TNS2: variants seen among roughly 807,000 people sequenced by gnomAD.
The protein encoded by TNS2 is tensin 2.
Under a neutral mutation model 155.7 loss-of-function variants are expected in TNS2, and 77 were observed. That is an observed-to-expected ratio of 0.49 (90% CI 0.41 to 0.60). TNS2 has a LOEUF of 0.60. Ranked by LOEUF, TNS2 falls within the 20% of genes least tolerant of loss-of-function variation. The probability of loss-of-function intolerance (pLI) is 0.00; values close to 1 mark genes in which losing one functional copy is unlikely to be tolerated. For missense variants in TNS2, 1,703 were observed against 1,868.8 expected (o/e 0.91, Z 1.64); for synonymous variants, 726 against 763.9 (o/e 0.95, Z 0.82).
In TNS2 at chr12:53,054,250, C is replaced by T. The variant is rs745660567; in HGVS notation, c.351-20C>T. On this transcript the variant is annotated intron_variant, in intron 6 of 28. Transcript: ENST00000314250. ...CGGGTGCCCCGCCCCTGCGTTCATGCGTAGGCTCCTCCTCCCCAGGAGCTT... is the reference window on the plus strand; with the variant it reads ...CGGGTGCCCCGCCCCTGCGTTCATGTGTAGGCTCCTCCTCCCCAGGAGCTT... 18 of 1,611,238 alleles carry T rather than the reference C, an allele frequency of 1.1e-5. No homozygotes were observed. In the South Asian group the frequency reaches 2.0e-4, roughly 18 times the overall value.
At chr12:53,053,340 G>C in intron 3 of TNS2, 71 bp from the exon 4 acceptor site, 1 of 1,585,308 alleles carries the variant, frequency 6.3e-7, no homozygotes, top group East Asian at 2.2e-5. Flanking sequence ...TGAAGCTGAG[G>C]GGCTGCCCCA....
chr12:53,060,446 C>T lies in TNS2; in HGVS notation c.2659C>T (p.His887Tyr). ...PVSWREGPSG[H>Y]STLPRSPRDA... ...GTCCTGGAGGGAGGGCCCCAGTGGGCACAGCACACTGCCTCGGTCTCCCCG... is the reference window on the plus strand; with the variant it reads ...GTCCTGGAGGGAGGGCCCCAGTGGGTACAGCACACTGCCTCGGTCTCCCCG... The change falls in exon 19 of 29, where the codon CAC becomes TAC. Residue 887 changes from histidine to tyrosine, a missense_variant. His to Tyr is a moderately conservative substitution (Grantham distance 83). Transcript: ENST00000314250. The surrounding 1 kb of genome is among the most constrained non-coding windows in gnomAD (Gnocchi z 6.1). 1 of 1,613,618 alleles carries T rather than the reference C, an allele frequency of 6.2e-7. No homozygotes were observed. Among genetic ancestry groups the T allele is most frequent in the African/African-American group, 1.3e-5 (1 of 75,042 alleles).
In TNS2 at chr12:53,050,783, C is replaced by T. The variant is rs1328850826; in HGVS notation, c.75+523C>T. ...TGGGTCCCACAAAGTTGATCCAGCC[C>T]AGAAGAGTTGCAGGGACAGTCAAGA... is the stretch of plus-strand genomic sequence containing the variant. On this transcript the variant is annotated intron_variant, in intron 1 of 28. Transcript: ENST00000314250. This position sits in a 1 kb window ranked among gnomAD's most constrained non-coding sequence, Gnocchi z 4.7. Among the ~76,000 whole-genome samples, 7 of 152,204 alleles carry T rather than the reference C, an allele frequency of 4.6e-5. No individual in the cohort carries two copies. Among genetic ancestry groups the T allele is most frequent in the Non-Finnish European group, 1.0e-4 (7 of 68,044 alleles).
At chr12:53,049,899 G>A, upstream of TNS2, 1 of 600,324 alleles carries the variant, frequency 1.7e-6, no homozygotes, top group Non-Finnish European at 2.7e-6. Context: ...GGGAGTAGGG[G>A]GAGCAAAAGA....
At chr12:53,062,042 G>T in intron 22 of TNS2, 102 bp downstream of exon 22, 1 of 1,611,330 alleles carries the variant, frequency 6.2e-7, no homozygotes, top group Non-Finnish European at 8.5e-7. Context: ...CCATGCCGCT[G>T]TAGAGGGGAG....
upstream of TNS2, chr12:53,049,136 G>A (rs373359604): frequency 5.0e-5 from 77 of 1,547,558 alleles, no homozygotes; most frequent in African/African-American, 1.3e-4. Flanking sequence ...GAGGGAGGCC[G>A]GAGGCCCATG....
chr12:53,063,143 A>G lies in TNS2; in HGVS notation c.3878A>G (p.Gln1293Arg). ...GAGACAGAGTCACTGACGGGCCCCCAAGCTGTGGCCCGGGCCAGCTCTGCA... is the reference window on the plus strand; with the variant it reads ...GAGACAGAGTCACTGACGGGCCCCCGAGCTGTGGCCCGGGCCAGCTCTGCA... ...SVETESLTGPQAVARASSAAL... is the reference protein window; with the variant it reads ...SVETESLTGPRAVARASSAAL... The change falls in exon 26 of 29, where the codon CAA becomes CGA. Residue 1293 changes from glutamine to arginine, a missense_variant. By Grantham distance (43) the Gln-to-Arg change is conservative (BLOSUM62 1). Coordinates refer to ENST00000314250, the MANE Select transcript of TNS2 (RefSeq NM_170754.4). The surrounding 1 kb of genome is among the most constrained non-coding windows in gnomAD (Gnocchi z 5.6). 2 of 1,604,588 alleles carry G rather than the reference A, an allele frequency of 1.2e-6. No homozygotes were observed. Among genetic ancestry groups the G allele is most frequent in the Non-Finnish European group, 1.7e-6 (2 of 1,176,032 alleles).
At position 53,061,346 on chromosome 12, in the gene TNS2, C is replaced by T. The variant is rs1218721356; in HGVS notation, c.3359-34C>T. The T allele has an allele frequency of 6.2e-6, 10 of 1,613,344 alleles. No individual in the cohort carries two copies. In the Admixed American group the frequency reaches 8.3e-5, roughly 13 times the overall value. ...GTAGCATGGATGGGGACCCGGGTACCCTGGGGTCTGAACCTACTCCCTCCC... is the reference window on the plus strand; with the variant it reads ...GTAGCATGGATGGGGACCCGGGTACTCTGGGGTCTGAACCTACTCCCTCCC... On this transcript the variant is annotated intron_variant, in intron 20 of 28. Coordinates refer to ENST00000314250, the MANE Select transcript of TNS2 (RefSeq NM_170754.4).
rs774440715 is a variant in TNS2, at chr12:53,050,155, C to T, written c.-31C>T. On this transcript the variant is annotated 5_prime_UTR_variant, in exon 1 of 29. Transcript: ENST00000314250. This position sits in a 1 kb window ranked among gnomAD's most constrained non-coding sequence, Gnocchi z 4.7. ...GCCAGGCCCCAGCATTGTTCAGGCC[C>T]TGGGGCCAGCACCCCAGCCAGCCGA... The T allele has an allele frequency of 2.5e-6, 4 of 1,603,130 alleles. No individual in the cohort carries two copies. The highest frequency in any genetic ancestry group is 2.6e-6 in the Non-Finnish European group (3 of 1,176,174).
rs529664364 is a variant in TNS2 at position 53,054,200 on chromosome 12, G to A, written c.351-70G>A. 6.7e-4 allele frequency: 1,071 copies of A among 1,604,350 alleles called. 9 individuals carry two copies. The African/African-American group carries it at 0.013, about 20-fold the overall frequency. ...GGCTTCACCTGCTGCCCAACAGACA[G>A]CCTTCCCGTCACACTAGCCACCTCC... On this transcript the variant is annotated intron_variant, in intron 6 of 28. Coordinates refer to ENST00000314250, the MANE Select transcript of TNS2 (RefSeq NM_170754.4).
intron 3 of TNS2, 64 bp from the exon 4 acceptor site, chr12:53,053,347 C>CCCATT (rs769355720): frequency 1.2e-4 from 189 of 1,594,002 alleles, no homozygotes; most frequent in Non-Finnish European, 1.6e-4. Context: ...GAGGGGCTGC[C>CCCATT]CCATCCTCAA....
chr12:53,059,833 C>G lies in TNS2; in HGVS notation c.2192C>G (p.Pro731Arg). Reference sequence around the variant, plus strand: ...AAGCCTCTCCTGCACCCAGTGCGGCCTGGGCACCCGCTGCCTCTGCTCTTG... The same window carrying G: ...AAGCCTCTCCTGCACCCAGTGCGGCGTGGGCACCCGCTGCCTCTGCTCTTG... ...AGKPLLHPVR[P>R]GHPLPLLLPA... is the part of the protein sequence containing the mutation. Residue 731 changes from proline (P) to arginine (R), a missense_variant, in exon 18 of 29, where the codon CCT (proline) becomes CGT (arginine). Transcript: ENST00000314250. The surrounding 1 kb of genome is among the most constrained non-coding windows in gnomAD (Gnocchi z 4.7). The G allele has an allele frequency of 6.2e-7, 1 of 1,612,962 alleles. No homozygotes were observed. Among genetic ancestry groups the G allele is most frequent in the Non-Finnish European group, 8.5e-7 (1 of 1,179,942 alleles).
chr12:53,054,835 G>A (rs1268165048), intron 7 of TNS2, among the ~76,000 whole-genome samples: 7 of 135,166 alleles, frequency 5.2e-5, no homozygotes, highest in African/African-American at 2.0e-4. Flanking sequence ...CTCACGCCCA[G>A]CCAATTTTTT....
Position 53,063,144 on chromosome 12 carries a change from A to G in TNS2, c.3879A>G (p.Gln1293=). The change falls in exon 26 of 29, where the codon CAA becomes CAG. Residue 1293 remains glutamine (Q), a synonymous_variant. Coordinates refer to ENST00000314250, the MANE Select transcript of TNS2 (RefSeq NM_170754.4). The surrounding 1 kb of genome is among the most constrained non-coding windows in gnomAD (Gnocchi z 5.6). ...SVETESLTGP[Q]AVARASSAAL... ...AGACAGAGTCACTGACGGGCCCCCA[A>G]GCTGTGGCCCGGGCCAGCTCTGCAG... 1 of 1,605,246 alleles carries G rather than the reference A, an allele frequency of 6.2e-7. No homozygotes were observed. Among genetic ancestry groups the G allele is most frequent in the South Asian group, 1.1e-5 (1 of 90,012 alleles).
rs774823156 is a variant in TNS2, at chr12:53,060,445, G to A, written c.2658G>A (p.Gly886=). The A allele has an allele frequency of 6.2e-6, 10 of 1,613,434 alleles. No homozygotes were observed. The African/African-American group carries it at 1.2e-4, about 19-fold the overall frequency. The stretch of plus-strand genomic sequence containing the variant: ...TGTCCTGGAGGGAGGGCCCCAGTGG[G>A]CACAGCACACTGCCTCGGTCTCCCC... ...EPVSWREGPS[G]HSTLPRSPRD... Residue 886 remains glycine (G), a synonymous_variant, in exon 19 of 29, where the codon GGG becomes GGA. Transcript: ENST00000314250. This position sits in a 1 kb window ranked among gnomAD's most constrained non-coding sequence, Gnocchi z 6.1.
chr12:53,061,823 C>T lies in TNS2; in HGVS notation c.3457C>T (p.Leu1153=), dbSNP rs1944393266. The T allele has an allele frequency of 6.2e-7, 1 of 1,612,824 alleles. No individual in the cohort carries two copies. Among genetic ancestry groups the T allele is most frequent in the Non-Finnish European group, 8.5e-7 (1 of 1,179,420 alleles). Residue 1153 remains leucine, a synonymous_variant, in exon 22 of 29, where the codon CTG becomes TTG. Coordinates refer to ENST00000314250, the MANE Select transcript of TNS2 (RefSeq NM_170754.4). ...PHLSRDQAIA[L]LKDKDPGAFL... is the part of the protein sequence containing the mutation. ...TACCCCTCACCCTGCAGCCATTGCCCTGCTGAAGGACAAGGACCCTGGGGC... is the reference window on the plus strand; with the variant it reads ...TACCCCTCACCCTGCAGCCATTGCCTTGCTGAAGGACAAGGACCCTGGGGC...
chr12:53,054,346 G>T lies in TNS2; in HGVS notation c.427G>T (p.Ala143Ser), dbSNP rs757431869. 6.2e-7 allele frequency: 1 copy of T among 1,612,818 alleles called. No individual in the cohort carries two copies. The highest frequency in any genetic ancestry group is 2.2e-5 in the East Asian group (1 of 44,866). The stretch of plus-strand genomic sequence containing the variant: ...CTACGTGACGGAGCGCATCTTGGCC[G>T]CCGCCTTCCCCGCGCGGCCCGATGA... ...LTYVTERILA[A>S]AFPARPDEQR... The change falls in exon 7 of 29, where the codon GCC (alanine) becomes TCC (serine). Residue 143 changes from alanine (A) to serine (S), a missense_variant. Transcript: ENST00000314250.
rs541818683 is a variant in TNS2 at position 53,059,473 on chromosome 12, G to A, written c.1832G>A (p.Arg611Gln). The change falls in exon 18 of 29, where the codon CGG (arginine) becomes CAG (glutamine). Residue 611 changes from arginine (R) to glutamine (Q), a missense_variant. By Grantham distance (43) the Arg-to-Gln change is conservative. Transcript: ENST00000314250. The surrounding 1 kb of genome is among the most constrained non-coding windows in gnomAD (Gnocchi z 4.7). ...PCGVPNGGYY[R>Q]PEGTLERRRL... ...GGGGTTCCCAATGGGGGCTACTACC[G>A]GCCAGAGGGAACCCTGGAGAGGAGG... 8.4e-5 allele frequency: 130 copies of A among 1,547,734 alleles called. 1 individual carries two copies. Among genetic ancestry groups the A allele is most frequent in the South Asian group, 5.5e-4 (44 of 80,408 alleles).
At chr12:53,055,282 ACCCCAGAAG>A (rs751428960) in intron 8 of TNS2, 46 bp downstream of exon 8, 1 of 1,591,994 alleles carries the variant, frequency 6.3e-7, no homozygotes, top group Non-Finnish European at 8.6e-7. Flanking sequence ...AGCCACCCCA[ACCCCAGAAG>A]CCCCCAGCTT....
Sources: allele counts gnomAD v4.1 joint callset (sites outside exome capture counted in the v4.1 genomes callset), GRCh38; gene constraint gnomAD v4.1.1; non-coding constraint Gnocchi (gnomAD v3.1); transcripts MANE v1.5; gene names NCBI Gene and HGNC (gene_info 2026-07-23, HGNC 2026-07-21).